DTD1: variants seen among roughly 807,000 people sequenced by gnomAD.
DTD1 encodes D-aminoacyl-tRNA deacylase 1, also known as D-tyrosyl-tRNA deacylase 1 homolog.
DTD1 carries 13 observed loss-of-function variants against 25.6 expected under a neutral mutation model. The observed-to-expected ratio is 0.51, with a 90% CI of 0.33 to 0.81. The LOEUF is 0.81. Ranked by LOEUF, DTD1 falls within the 30% of genes least tolerant of loss-of-function variation. The pLI is 0.02. For missense variants in DTD1, 193 were observed against 266.4 expected (o/e 0.72, Z 1.92); for synonymous variants, 110 against 103.6 (o/e 1.06, Z -0.37).
intron 4 of DTD1, among the ~76,000 whole-genome samples, chr20:18,736,510 G>A (rs527388551): frequency 6.6e-6 from 1 of 152,362 alleles, no homozygotes; most frequent in South Asian, 2.1e-4. Flanking sequence ...TGCTTCATGA[G>A]TGATGCTATG....
At chr20:18,659,749 G>C (rs1039267872) in intron 4 of DTD1, among the ~76,000 whole-genome samples, 5 of 151,924 alleles carry the variant, frequency 3.3e-5, no homozygotes, top group Non-Finnish European at 5.9e-5. Context: ...ACTGGGGCCT[G>C]TCAGGGAGTG....
At chr20:18,693,528 A>G (rs1019824785) in intron 4 of DTD1, among the ~76,000 whole-genome samples, 1 of 151,912 alleles carries the variant, frequency 6.6e-6, no homozygotes, top group African/African-American at 2.4e-5. Context: ...TTGGTGGCAC[A>G]TGCCTGTAAT....
rs940113194 is a variant in DTD1, at chr20:18,632,449, G to A, written c.477+4216G>A. On this transcript the variant is annotated intron_variant, in intron 4 of 5. Transcript: ENST00000377452. ...TTAGGTTGGTGCTGGCCTGTGCCTG[G>A]GGCCTCTCTCTGCCTTTTCTTCTGA... 7.0e-5 allele frequency: 69 copies of A among 985,436 alleles called. No individual in the cohort carries two copies. In the African/African-American group the frequency reaches 1.1e-3, roughly 15 times the overall value. The allele number at this position is 985,436 out of a possible 1,614,324, so 61.0% of individuals were successfully genotyped here. A position where few individuals can be genotyped will look rare whatever the true frequency, so the allele number is the denominator to read the frequency against.
At chr20:18,691,506 T>C (rs762218440) in intron 4 of DTD1, among the ~76,000 whole-genome samples, 1 of 152,178 alleles carries the variant, frequency 6.6e-6, no homozygotes, top group South Asian at 2.1e-4. Flanking sequence ...AGTGAATTAA[T>C]GCAGGAGTGG....
chr20:18,680,966 T>G (rs1393417517), intron 4 of DTD1, among the ~76,000 whole-genome samples: 1 of 152,216 alleles, frequency 6.6e-6, no homozygotes, highest in African/African-American at 2.4e-5. Context: ...AGACTTTTGT[T>G]TTGACTGTGT....
chr20:18,594,620 G>A (rs773561440), intron 2 of DTD1, among the ~76,000 whole-genome samples: 19 of 152,146 alleles, frequency 1.2e-4, no homozygotes, highest in Non-Finnish European at 2.4e-4. Context: ...CAGAGCTTGG[G>A]TATAACCCTG....
At chr20:18,703,728 G>GTTTTTTTTTTTTTTTTT in intron 4 of DTD1, among the ~76,000 whole-genome samples, 1 of 113,138 alleles carries the variant, frequency 8.8e-6, no homozygotes, top group African/African-American at 2.7e-5. Flanking sequence ...ATAGTATTCA[G>GTTTTTTTTTTTTTTTTT]TTTTTTTTTT....
In DTD1 at chr20:18,669,545, A is replaced by G. The variant is rs140253274; in HGVS notation, c.477+41312A>G. ...GGCTTTCTGTTCCTCATCTGTAACC[A>G]GGGCTTGTTCATCCACATCTTGGTG... On this transcript the variant is annotated intron_variant, in intron 4 of 5. Coordinates refer to ENST00000377452, the MANE Select transcript of DTD1 (RefSeq NM_080820.6). Among the ~76,000 whole-genome samples, 9 of 152,228 alleles carry G rather than the reference A, an allele frequency of 5.9e-5. No individual in the cohort carries two copies. In the East Asian group the frequency reaches 1.7e-3, roughly 29 times the overall value.
intron 4 of DTD1, among the ~76,000 whole-genome samples, chr20:18,684,815 A>G (rs2061010452): frequency 6.6e-6 from 1 of 152,074 alleles, no homozygotes; most frequent in Non-Finnish European, 1.5e-5. Flanking sequence ...AAATCTCTAC[A>G]TGTTGGAGCT....
At chr20:18,754,880 C>G (rs1245406281) in intron 5 of DTD1, among the ~76,000 whole-genome samples, 2 of 152,252 alleles carry the variant, frequency 1.3e-5, no homozygotes, top group African/African-American at 4.8e-5. Context: ...CCAAAAATCT[C>G]TTGCATGTAG....
At position 18,661,590 on chromosome 20, in the gene DTD1, T is replaced by C. The variant is rs545163412; in HGVS notation, c.477+33357T>C. ...GTTTCACCGTGTTAGCCAGGATGGT[T>C]TTGATCTCCTGACCTCGTGATCTGC... On this transcript the variant is annotated intron_variant, in intron 4 of 5. Transcript: ENST00000377452. Among the ~76,000 whole-genome samples, 937 of 152,160 alleles carry C rather than the reference T, an allele frequency of 6.2e-3. 6 individuals carry two copies. Among genetic ancestry groups the C allele is most frequent in the African/African-American group, 0.013 (552 of 41,532 alleles).
chr20:18,739,013 T>G (rs1369486404), intron 4 of DTD1, among the ~76,000 whole-genome samples: 2 of 152,080 alleles, frequency 1.3e-5, no homozygotes, highest in Non-Finnish European at 2.9e-5. Context: ...AGGCCTTAGG[T>G]GGAGCTTGTC....
At chr20:18,676,945 G>A (rs568196428) in intron 4 of DTD1, among the ~76,000 whole-genome samples, 45 of 152,262 alleles carry the variant, frequency 3.0e-4, no homozygotes, top group African/African-American at 8.9e-4. Flanking sequence ...CCAGCTCCTA[G>A]CTCCTACTTG....
At chr20:18,657,857 TGAGCAGTTCAAGGTG>T (rs2060896333) in intron 4 of DTD1, among the ~76,000 whole-genome samples, 1 of 152,052 alleles carries the variant, frequency 6.6e-6, no homozygotes, top group South Asian at 2.1e-4. Flanking sequence ...TGGTGCTGAG[TGAGCAGTTCAAGGTG>T]GAGGCTACAG....
chr20:18,690,340 T>C (rs1396761661), intron 4 of DTD1, among the ~76,000 whole-genome samples: 3 of 152,204 alleles, frequency 2.0e-5, no homozygotes, highest in Non-Finnish European at 4.4e-5. Context: ...GCAGAAGCTC[T>C]TTAGTTTAAT....
chr20:18,695,607 C>T (rs1328486528), intron 4 of DTD1, among the ~76,000 whole-genome samples: 2 of 59,138 alleles, frequency 3.4e-5, no homozygotes, highest in Non-Finnish European at 6.6e-5. Context: ...CTCCCCTCCC[C>T]CCTTCCCTTC....
intron 2 of DTD1, among the ~76,000 whole-genome samples, chr20:18,595,693 A>G (rs1431687878): frequency 2.0e-5 from 3 of 152,242 alleles, no homozygotes; most frequent in Non-Finnish European, 4.4e-5. Flanking sequence ...CCCGACCTAA[A>G]GGAGCAGAGA....
intron 4 of DTD1, among the ~76,000 whole-genome samples, chr20:18,666,410 T>C (rs6136460): frequency 0.14 from 21,968 of 152,208 alleles, 1,708 homozygotes; most frequent in Admixed American, 0.2. Context: ...CAGTCCTTTC[T>C]TAAAGGGGTT....
intron 5 of DTD1, among the ~76,000 whole-genome samples, chr20:18,752,697 C>A (rs1016321708): frequency 5.3e-5 from 8 of 152,160 alleles, no homozygotes; most frequent in Non-Finnish European, 1.2e-4. Context: ...TTCTGGGGAT[C>A]TTTTTGGGTC....
Sources: gnomAD v4.1 joint callset for allele counts (sites outside exome capture counted in the v4.1 genomes callset) on GRCh38, gnomAD v4.1.1 for gene constraint, MANE v1.5 for transcripts, NCBI Gene and HGNC (gene_info 2026-07-23, HGNC 2026-07-21) for gene names.